The following VAT1L variants were observed in gnomAD, a reference collection of about 807,000 sequenced individuals.
VAT1L encodes the protein putative NADPH-dependent quinone oxidoreductase VAT1L.
In VAT1L, 34 loss-of-function variants were observed where a neutral mutation model predicts 44.1. The ratio of observed to expected loss-of-function variants is 0.77; its 90% CI spans 0.59 to 1.03. VAT1L has a LOEUF of 1.03. VAT1L is among the 50% of genes least tolerant of loss of function. VAT1L has a pLI of 0.00. For synonymous variants in VAT1L, 253 were observed against 202.2 expected (o/e 1.25, Z -2.13); for missense variants, 615 against 538.8 (o/e 1.14, Z -1.40).
At chr16:77,976,652 C>G (rs747996836) in intron 8 of VAT1L, among the ~76,000 whole-genome samples, 2 of 152,166 alleles carry the variant, frequency 1.3e-5, no homozygotes, top group African/African-American at 2.4e-5. Context: ...ATGGACAGAA[C>G]TAGTTTGTTC....
At chr16:77,842,597 TGA>T (rs1320619680) in intron 3 of VAT1L, among the ~76,000 whole-genome samples, 1 of 152,186 alleles carries the variant, frequency 6.6e-6, no homozygotes, top group African/African-American at 2.4e-5. Flanking sequence ...CATGATACTT[TGA>T]GAGAGCTGTA....
intron 7 of VAT1L, among the ~76,000 whole-genome samples, chr16:77,942,861 C>G (rs1245514969): frequency 6.6e-6 from 1 of 151,836 alleles, no homozygotes; most frequent in Non-Finnish European, 1.5e-5. Flanking sequence ...TATCTCACCT[C>G]AGCCTCCCAA....
intron 2 of VAT1L, among the ~76,000 whole-genome samples, chr16:77,820,450 C>A (rs111515621): frequency 2.2e-4 from 33 of 152,350 alleles, no homozygotes; most frequent in African/African-American, 7.7e-4. Context: ...CATCGATGCT[C>A]ACATCCTCAA....
At chr16:77,922,312 G>A (rs113066513) in intron 7 of VAT1L, among the ~76,000 whole-genome samples, 2,965 of 152,186 alleles carry the variant, frequency 0.019, 102 homozygotes, top group African/African-American at 0.067. Flanking sequence ...TGTTCAAGCT[G>A]AGTTTCTCAG....
At position 77,788,626 on chromosome 16, in the gene VAT1L, C is replaced by G; in HGVS notation, c.-57C>G. ...CCCGCGGGAGAGGAGCCCCACTCCC[C>G]CAGCGCCGCAGCCACCGCAGCCACC... On this transcript the variant is annotated 5_prime_UTR_variant, in exon 1 of 9. Coordinates refer to ENST00000302536, the MANE Select transcript of VAT1L (RefSeq NM_020927.3). The G allele has an allele frequency of 3.3e-6, 5 of 1,534,336 alleles. No individual in the cohort carries two copies. Among genetic ancestry groups the G allele is most frequent in the Non-Finnish European group, 4.4e-6 (5 of 1,137,326 alleles).
intron 7 of VAT1L, among the ~76,000 whole-genome samples, chr16:77,955,451 G>A (rs1478703838): frequency 4.6e-5 from 7 of 152,292 alleles, no homozygotes; most frequent in East Asian, 1.9e-4. Context: ...GGGGCCGGGC[G>A]TGGTGGCTCA....
chr16:77,799,687 T>G (rs1201570214), intron 1 of VAT1L, among the ~76,000 whole-genome samples: 1 of 152,168 alleles, frequency 6.6e-6, no homozygotes, highest in East Asian at 1.9e-4. Flanking sequence ...GCGAGACTCT[T>G]CTTCATCCAG....
chr16:77,788,602 C>A lies in VAT1L; in HGVS notation c.-81C>A. 3 of 1,486,072 alleles carry A rather than the reference C, an allele frequency of 2.0e-6. No homozygotes were observed. Among genetic ancestry groups the A allele is most frequent in the Non-Finnish European group, 2.7e-6 (3 of 1,100,050 alleles). The allele number at this position is 1,486,072 out of a possible 1,614,324, so 92.1% of individuals were successfully genotyped here. A position where few individuals can be genotyped will look rare whatever the true frequency, so the allele number is the denominator to read the frequency against. On this transcript the variant is annotated 5_prime_UTR_variant, in exon 1 of 9. Transcript: ENST00000302536. ...GCATCCCACATTCAACAGGAGGAAC[C>A]CGCGGGAGAGGAGCCCCACTCCCCC...
intron 7 of VAT1L, among the ~76,000 whole-genome samples, chr16:77,908,360 G>T (rs2017461320): frequency 6.6e-6 from 1 of 150,868 alleles, no homozygotes; most frequent in African/African-American, 2.4e-5. Flanking sequence ...TACTTGGGAG[G>T]CTGAGGCAGG....
chr16:77,892,695 A>C lies in VAT1L; in HGVS notation c.1077+7893A>C, dbSNP rs1160567021. On this transcript the variant is annotated intron_variant, in intron 7 of 8. Coordinates refer to ENST00000302536, the MANE Select transcript of VAT1L (RefSeq NM_020927.3). The stretch of plus-strand genomic sequence containing the variant: ...GATGATGAGAACTTCATCCTAAAGC[A>C]TATAGGTCCTGGCATCTGTTCCATG... 6.8e-6 allele frequency: 5 copies of C among 732,178 alleles called. No individual in the cohort carries two copies. The East Asian group carries it at 1.1e-4, about 16-fold the overall frequency. 45.4% of individuals were successfully genotyped at this position (732,178 alleles called of 1,614,324 possible).
intron 3 of VAT1L, among the ~76,000 whole-genome samples, chr16:77,830,920 G>T (rs948310816): frequency 2.0e-5 from 3 of 152,200 alleles, no homozygotes; most frequent in African/African-American, 7.2e-5. Context: ...CTGATCTCAG[G>T]TGATCTGCCC....
intron 3 of VAT1L, among the ~76,000 whole-genome samples, chr16:77,858,936 G>T (rs933411196): frequency 3.3e-5 from 5 of 152,066 alleles, no homozygotes; most frequent in Non-Finnish European, 5.9e-5. Flanking sequence ...AGGAGTTCGA[G>T]ACCAGCCTGA....
At chr16:77,868,209 T>A (rs1351254899) in intron 4 of VAT1L, among the ~76,000 whole-genome samples, 1 of 152,206 alleles carries the variant, frequency 6.6e-6, no homozygotes, top group Non-Finnish European at 1.5e-5. Context: ...CAACTCAGGA[T>A]TCTTAATGCT....
In VAT1L at chr16:77,977,978, T is replaced by A. The variant is rs992887700; in HGVS notation, c.*283T>A. On this transcript the variant is annotated 3_prime_UTR_variant, in exon 9 of 9. Coordinates refer to ENST00000302536, the MANE Select transcript of VAT1L (RefSeq NM_020927.3). ...TCTTCTTGACAGTTCTAGAACAGCC[T>A]TGCAAATTAATACAAGTCCCAGGCC... The A allele has an allele frequency of 2.5e-5, 8 of 324,638 alleles. No individual in the cohort carries two copies. The Admixed American group carries it at 3.0e-4, about 12-fold the overall frequency. The allele number at this position is 324,638 out of a possible 1,614,324, so 20.1% of individuals were successfully genotyped here.
intron 7 of VAT1L, among the ~76,000 whole-genome samples, chr16:77,899,037 G>A (rs181353073): frequency 1.6e-4 from 24 of 152,324 alleles, no homozygotes; most frequent in Non-Finnish European, 2.9e-5. Flanking sequence ...TGACAAAGGA[G>A]CAATCATGGC....
chr16:77,880,958 A>G (rs1275068547), intron 6 of VAT1L, among the ~76,000 whole-genome samples: 1 of 152,206 alleles, frequency 6.6e-6, no homozygotes, highest in Non-Finnish European at 1.5e-5. Flanking sequence ...ATAGTATTCC[A>G]TGGTGTATAC....
At chr16:77,877,814 G>C (rs2017105878) in intron 5 of VAT1L, among the ~76,000 whole-genome samples, 1 of 152,170 alleles carries the variant, frequency 6.6e-6, no homozygotes, top group South Asian at 2.1e-4. Context: ...CAGAAAGAAG[G>C]CTGAACTCAC....
chr16:77,967,777 A>T (rs1200564401), intron 7 of VAT1L, among the ~76,000 whole-genome samples: 3 of 152,194 alleles, frequency 2.0e-5, no homozygotes, highest in Admixed American at 2.0e-4. Context: ...CTAGTCTCCA[A>T]GGAGTTTTCA....
In VAT1L at chr16:77,891,608, T is replaced by C. The variant is rs193029938; in HGVS notation, c.1077+6806T>C. ...CCTCAGTCTCGCTGAGTCTTCTGCA[T>C]TTTTACCTCCATGTTAATGACTATG... On this transcript the variant is annotated intron_variant, in intron 7 of 8. Transcript: ENST00000302536. 6.6e-5 allele frequency among the ~76,000 whole-genome samples: 10 copies of C among 152,312 alleles called. No individual in the cohort carries two copies. In the East Asian group the frequency reaches 1.9e-3, roughly 29 times the overall value.
Sources: gnomAD v4.1 joint callset for allele counts (sites outside exome capture counted in the v4.1 genomes callset) on GRCh38, gnomAD v4.1.1 for gene constraint, MANE v1.5 for transcripts, NCBI Gene and HGNC (gene_info 2026-07-23, HGNC 2026-07-21) for gene names.